Variants in PRKCB observed in about 807,000 individuals in gnomAD.
The protein encoded by PRKCB is protein kinase C beta.
In PRKCB, 13 loss-of-function variants were observed where a neutral mutation model predicts 81.5. The ratio of observed to expected loss-of-function variants is 0.16; its 90% CI spans 0.10 to 0.25. The LOEUF (loss-of-function observed/expected upper bound fraction) is 0.25. PRKCB is among the 10% of genes least tolerant of loss of function. The probability of loss-of-function intolerance (pLI) is 1.00; values close to 1 mark genes in which losing one functional copy is unlikely to be tolerated. For missense variants in PRKCB, 509 were observed against 875.7 expected (o/e 0.58, Z 5.29); for synonymous variants, 335 against 321.4 (o/e 1.04, Z -0.45).
At chr16:24,156,691 G>C (rs1385051452) in intron 10 of PRKCB, among the ~76,000 whole-genome samples, 1 of 152,142 alleles carries the variant, frequency 6.6e-6, no homozygotes. Flanking sequence ...CCAGGAAAGG[G>C]GTACACCTAA....
chr16:24,009,414 G>C (rs1483849193), intron 3 of PRKCB, among the ~76,000 whole-genome samples: 6 of 150,366 alleles, frequency 4.0e-5, no homozygotes, highest in Non-Finnish European at 8.8e-5. Flanking sequence ...TCTCACACTT[G>C]TTAGGATGAC....
chr16:23,841,857 C>T (rs372426154), intron 2 of PRKCB, among the ~76,000 whole-genome samples: 3 of 150,968 alleles, frequency 2.0e-5, no homozygotes, highest in East Asian at 3.9e-4. Context: ...GGTTTCGCCA[C>T]GTTGGTTAGG....
chr16:23,913,342 A>G (rs1454886851), intron 2 of PRKCB, among the ~76,000 whole-genome samples: 1 of 152,024 alleles, frequency 6.6e-6, no homozygotes, highest in Non-Finnish European at 1.5e-5. Flanking sequence ...ATCATGTCAA[A>G]AAAAAAAAAT....
chr16:23,969,006 C>A (rs1381771704), intron 2 of PRKCB, among the ~76,000 whole-genome samples: 1 of 152,070 alleles, frequency 6.6e-6, no homozygotes, highest in Non-Finnish European at 1.5e-5. Context: ...CCCATCTCTA[C>A]TAAAAATACA....
chr16:23,869,628 A>G (rs1362607962), intron 2 of PRKCB, among the ~76,000 whole-genome samples: 1 of 152,250 alleles, frequency 6.6e-6, no homozygotes, highest in Non-Finnish European at 1.5e-5. Flanking sequence ...GATATAGAAC[A>G]GGAAATAATA....
intron 5 of PRKCB, among the ~76,000 whole-genome samples, chr16:24,053,044 T>C (rs926524382): frequency 3.9e-5 from 6 of 152,252 alleles, no homozygotes; most frequent in Non-Finnish European, 8.8e-5. Flanking sequence ...ATTTTAATCA[T>C]GTGCTCTGTC....
intron 10 of PRKCB, among the ~76,000 whole-genome samples, chr16:24,160,708 A>AATG (rs1481900111): frequency 3.3e-5 from 5 of 152,334 alleles, no homozygotes; most frequent in East Asian, 3.9e-4. Context: ...AAACTATAAT[A>AATG]ATGACACAAA....
chr16:24,170,167 G>T (rs947617355), intron 10 of PRKCB, among the ~76,000 whole-genome samples: 2 of 152,044 alleles, frequency 1.3e-5, no homozygotes, highest in African/African-American at 2.4e-5. Flanking sequence ...AAAGACAAAG[G>T]CCAGGAATTT....
At chr16:24,188,795 G>A (rs925110786) in intron 15 of PRKCB, among the ~76,000 whole-genome samples, 1 of 152,124 alleles carries the variant, frequency 6.6e-6, no homozygotes, top group African/African-American at 2.4e-5. Context: ...TTTGACCTTA[G>A]GCAGATGACT....
At chr16:24,204,006 T>C (rs1249944349) in intron 16 of PRKCB, among the ~76,000 whole-genome samples, 5 of 151,790 alleles carry the variant, frequency 3.3e-5, no homozygotes, top group Admixed American at 2.0e-4. Context: ...CTGCTTGTAA[T>C]TGGGATGGGA....
rs1320943482 is a variant in PRKCB, at chr16:24,172,351, C to T, written c.1321C>T (p.Pro441Ser). 6.2e-7 allele frequency: 1 copy of T among 1,613,614 alleles called. No homozygotes were observed. Among genetic ancestry groups the T allele is most frequent in the South Asian group, 1.1e-5 (1 of 90,962 alleles). ...HIQQVGRFKEPHAVFYAAEIA... is the reference protein window; with the variant it reads ...HIQQVGRFKESHAVFYAAEIA... Reference sequence around the variant, plus strand: ...CCAGCAAGTCGGCCGGTTCAAGGAGCCCCATGCTGTGTAAGTGAGAACTAG... The same window carrying T: ...CCAGCAAGTCGGCCGGTTCAAGGAGTCCCATGCTGTGTAAGTGAGAACTAG... The change falls in exon 11 of 17, where the codon CCC (proline) becomes TCC (serine). Residue 441 changes from proline to serine, a missense_variant. Pro to Ser is a moderately conservative substitution (Grantham distance 74). Coordinates refer to ENST00000643927, the MANE Select transcript of PRKCB (RefSeq NM_002738.7).
chr16:24,020,836 G>A (rs1324536882), intron 3 of PRKCB, among the ~76,000 whole-genome samples: 2 of 152,078 alleles, frequency 1.3e-5, no homozygotes, highest in Non-Finnish European at 2.9e-5. Flanking sequence ...TCTCCTCTAT[G>A]GATGCTGTTA....
intron 2 of PRKCB, among the ~76,000 whole-genome samples, chr16:23,930,231 T>C (rs971263607): frequency 6.6e-6 from 1 of 152,198 alleles, no homozygotes; most frequent in African/African-American, 2.4e-5. Context: ...ATGGATTGTA[T>C]GGATGGGCAG....
intron 8 of PRKCB, among the ~76,000 whole-genome samples, chr16:24,119,981 C>T (rs986185399): frequency 3.3e-5 from 5 of 152,054 alleles, no homozygotes; most frequent in Admixed American, 6.5e-5. Flanking sequence ...ACACAGGAGA[C>T]GGGATAAACA....
chr16:24,032,669 G>A (rs1965564497), intron 4 of PRKCB, among the ~76,000 whole-genome samples: 2 of 152,274 alleles, frequency 1.3e-5, no homozygotes, highest in Middle Eastern at 6.8e-3. Flanking sequence ...AGTGGGCTAG[G>A]CTACCTAGCC....
At chr16:24,096,394 T>C (rs1966438963) in intron 7 of PRKCB, among the ~76,000 whole-genome samples, 1 of 152,112 alleles carries the variant, frequency 6.6e-6, no homozygotes, top group South Asian at 2.1e-4. Context: ...TCTCTTTCAC[T>C]GACGTCATCA....
chr16:23,910,583 T>A (rs1439247803), intron 2 of PRKCB, among the ~76,000 whole-genome samples: 1 of 152,218 alleles, frequency 6.6e-6, no homozygotes, highest in African/African-American at 2.4e-5. Context: ...TTGTGTTTTA[T>A]TTTCATGGGA....
At position 24,100,676 on chromosome 16, in the gene PRKCB, C is replaced by A. The variant is rs1229819788; in HGVS notation, c.821+6379C>A. Among the ~76,000 whole-genome samples, 12 of 152,350 alleles carry A rather than the reference C, an allele frequency of 7.9e-5. No homozygotes were observed. The East Asian group carries it at 2.3e-3, about 29-fold the overall frequency. On this transcript the variant is annotated intron_variant, in intron 7 of 16. Transcript: ENST00000643927. ...GTTCTCCAAGCCCCAAAGGGAGGGGCTTCTCCTACAATCACCCAATGAGTT... is the reference window on the plus strand; with the variant it reads ...GTTCTCCAAGCCCCAAAGGGAGGGGATTCTCCTACAATCACCCAATGAGTT...
At chr16:24,121,649 CA>C (rs372502850) in intron 8 of PRKCB, among the ~76,000 whole-genome samples, 30 of 152,300 alleles carry the variant, frequency 2.0e-4, no homozygotes, top group African/African-American at 7.2e-4. Flanking sequence ...TTTGTGATTA[CA>C]GGCATCAGCC....
Sources: gnomAD v4.1 joint callset for allele counts (sites outside exome capture counted in the v4.1 genomes callset) on GRCh38, gnomAD v4.1.1 for gene constraint, MANE v1.5 for transcripts, NCBI Gene and HGNC (gene_info 2026-07-23, HGNC 2026-07-21) for gene names.